PRKCE: variants seen among roughly 807,000 people sequenced by gnomAD.
PRKCE encodes the protein protein kinase C epsilon type.
In PRKCE, 16 loss-of-function variants were observed where a neutral mutation model predicts 85.4. The ratio of observed to expected loss-of-function variants is 0.19; its 90% CI spans 0.13 to 0.28. The LOEUF (loss-of-function observed/expected upper bound fraction) is 0.28. Among genes scored for constraint, PRKCE ranks in the 10% least tolerant of loss-of-function variants. PRKCE has a pLI of 1.00. For missense variants in PRKCE, 573 were observed against 975.2 expected, an observed-to-expected ratio of 0.59 and a Z score of 5.49; for synonymous variants, 388 against 371.5, an observed-to-expected ratio of 1.04 and a Z score of -0.51.
intron 10 of PRKCE, among the ~76,000 whole-genome samples, chr2:46,023,036 T>C (rs1706803106): frequency 1.4e-5 from 2 of 139,586 alleles, no homozygotes; most frequent in South Asian, 4.5e-4. Flanking sequence ...TGAGCCGAGA[T>C]TGCGCCACTG....
rs1478174038 is a variant in PRKCE, at chr2:46,041,689, T to G, written c.1437+31172T>G. ...GAATGAACAACATAGTACTGAAGTG[T>G]TTCCTTGTGAATACCTCTCCATATG... On this transcript the variant is annotated intron_variant, in intron 10 of 14. Transcript: ENST00000306156. The surrounding 1 kb of genome is among the most constrained non-coding windows in gnomAD (Gnocchi z 5.5). 6.6e-6 allele frequency among the ~76,000 whole-genome samples: 1 copy of G among 152,240 alleles called. No homozygotes were observed. Among genetic ancestry groups the G allele is most frequent in the Non-Finnish European group, 1.5e-5 (1 of 68,048 alleles).
chr2:45,851,104 A>G (rs1573605705), intron 2 of PRKCE, among the ~76,000 whole-genome samples: 1 of 152,214 alleles, frequency 6.6e-6, no homozygotes, highest in Admixed American at 6.5e-5. Context: ...TCAGTAAATG[A>G]CAGCCACAAA....
intron 2 of PRKCE, among the ~76,000 whole-genome samples, chr2:45,944,969 C>G (rs1242671237): frequency 6.6e-6 from 1 of 152,138 alleles, no homozygotes; most frequent in East Asian, 1.9e-4. Context: ...TTCCCTATCC[C>G]TGCCCTTTTC....
intron 11 of PRKCE, among the ~76,000 whole-genome samples, chr2:46,126,972 G>A (rs1441857465): frequency 1.3e-5 from 2 of 152,148 alleles, no homozygotes; most frequent in Admixed American, 1.3e-4. Flanking sequence ...TTGAAATATG[G>A]GTGTTGTTGA....
chr2:45,813,929 C>T (rs2105283833), intron 1 of PRKCE, among the ~76,000 whole-genome samples: 1 of 152,262 alleles, frequency 6.6e-6, no homozygotes, highest in African/African-American at 2.4e-5. Context: ...GCTAAACCTC[C>T]AAGACACGTG....
intron 2 of PRKCE, among the ~76,000 whole-genome samples, chr2:45,849,255 A>T (rs897923719): frequency 2.0e-5 from 3 of 152,132 alleles, no homozygotes; most frequent in Non-Finnish European, 4.4e-5. Flanking sequence ...TTCTAGGTCA[A>T]GTTTGGTCAA....
chr2:45,755,800 T>C (rs1387637040), intron 1 of PRKCE, among the ~76,000 whole-genome samples: 1 of 152,154 alleles, frequency 6.6e-6, no homozygotes, highest in Non-Finnish European at 1.5e-5. Flanking sequence ...TAGTGAGTCC[T>C]AAAGAACTGG....
intron 6 of PRKCE, among the ~76,000 whole-genome samples, chr2:45,995,533 C>T (rs1055979628): frequency 1.3e-5 from 2 of 152,054 alleles, no homozygotes; most frequent in East Asian, 1.9e-4. Context: ...TTGTGAAGAT[C>T]GTAAGGTTTG....
At chr2:46,012,134 A>G (rs1355582597) in intron 10 of PRKCE, among the ~76,000 whole-genome samples, 1 of 152,058 alleles carries the variant, frequency 6.6e-6, no homozygotes, top group Non-Finnish European at 1.5e-5. Context: ...TTTCCACTAG[A>G]GCATAATTTT....
intron 1 of PRKCE, among the ~76,000 whole-genome samples, chr2:45,795,064 G>A (rs796919810): frequency 2.2e-4 from 33 of 152,294 alleles, no homozygotes; most frequent in African/African-American, 7.2e-4. Context: ...CTTCTGAGGA[G>A]GTGAGGCCAG....
At chr2:45,919,081 A>T (rs758316710) in intron 2 of PRKCE, among the ~76,000 whole-genome samples, 3 of 152,212 alleles carry the variant, frequency 2.0e-5, no homozygotes, top group African/African-American at 2.4e-5. Context: ...CTGCATGTAA[A>T]TCAAGGTTGT....
chr2:45,692,087 G>T (rs1319151306), intron 1 of PRKCE, among the ~76,000 whole-genome samples: 1 of 152,056 alleles, frequency 6.6e-6, no homozygotes, highest in Non-Finnish European at 1.5e-5. Context: ...GTTCATTTTT[G>T]TTCATGAATT....
rs533582535 is a variant in PRKCE at position 45,918,882 on chromosome 2, T to C, written c.413-57547T>C. 4.6e-5 allele frequency among the ~76,000 whole-genome samples: 7 copies of C among 152,350 alleles called. No individual in the cohort carries two copies. The East Asian group carries it at 1.4e-3, about 29-fold the overall frequency. On this transcript the variant is annotated intron_variant, in intron 2 of 14. Transcript: ENST00000306156. The stretch of plus-strand genomic sequence containing the variant: ...CCGTATTATTGAATGTTGCAGAGGT[T>C]GGAGGGTCTCACAGCTCCTTTCACC...
chr2:45,701,443 T>C (rs1182207190), intron 1 of PRKCE: 1 of 152,256 alleles, frequency 6.6e-6, no homozygotes. Flanking sequence ...AGTTACCCTA[T>C]GATGAGGTCT....
intron 1 of PRKCE, among the ~76,000 whole-genome samples, chr2:45,737,674 GAGTCAGGTCCAATC>G (rs1682196181): frequency 6.6e-6 from 1 of 152,022 alleles, no homozygotes; most frequent in Admixed American, 6.6e-5. Context: ...TGTCAGGGTG[GAGTCAGGTCCAATC>G]ACATGCTCTC....
chr2:45,870,332 A>G (rs1415319737), intron 2 of PRKCE, among the ~76,000 whole-genome samples: 1 of 152,200 alleles, frequency 6.6e-6, no homozygotes, highest in Non-Finnish European at 1.5e-5. Flanking sequence ...CCTTAAGGAG[A>G]AAGATCCTGT....
intron 1 of PRKCE, among the ~76,000 whole-genome samples, chr2:45,821,958 C>T (rs1364067156): frequency 3.3e-5 from 5 of 152,122 alleles, no homozygotes; most frequent in Non-Finnish European, 7.4e-5. Flanking sequence ...GGCACAGCAG[C>T]TTACAGTGAA....
chr2:45,898,971 A>T (rs1218408547), intron 2 of PRKCE, among the ~76,000 whole-genome samples: 1 of 152,224 alleles, frequency 6.6e-6, no homozygotes, highest in Non-Finnish European at 1.5e-5. Context: ...TAGCTAGGCC[A>T]TACACCCAAC....
chr2:46,060,744 C>CTTTTTTTTTTTTTTT (rs112560158), intron 10 of PRKCE, among the ~76,000 whole-genome samples: 4 of 140,144 alleles, frequency 2.9e-5, no homozygotes, highest in Non-Finnish European at 3.1e-5. Context: ...TTTCTCTCTC[C>CTTTTTTTTTTTTTTT]TTTTTTTTTT....
Sources: gnomAD v4.1 joint callset for allele counts (sites outside exome capture counted in the v4.1 genomes callset) on GRCh38, gnomAD v4.1.1 for gene constraint, Gnocchi (gnomAD v3.1) non-coding constraint, MANE v1.5 for transcripts, NCBI Gene and HGNC (gene_info 2026-07-23, HGNC 2026-07-21) for gene names.